The following SEMA5A variants were observed in gnomAD, a reference collection of about 807,000 sequenced individuals.
SEMA5A encodes semaphorin 5A.
SEMA5A carries 55 observed loss-of-function variants against 135.5 expected under a neutral mutation model. The ratio of observed to expected loss-of-function variants is 0.41; its 90% CI spans 0.33 to 0.51. The LOEUF is 0.51. Ranked by LOEUF, SEMA5A falls within the 20% of genes least tolerant of loss-of-function variation. SEMA5A has a pLI of 0.37. For synonymous variants in SEMA5A, 580 were observed against 546.5 expected, an observed-to-expected ratio of 1.06 and a Z score of -0.85; for missense variants, 1,290 against 1,419.9, an observed-to-expected ratio of 0.91 and a Z score of 1.47.
chr5:9,425,337 G>A (rs373148168), intron 2 of SEMA5A, among the ~76,000 whole-genome samples: 3 of 152,220 alleles, frequency 2.0e-5, no homozygotes, highest in African/African-American at 4.8e-5. Context: ...CGTGCATATC[G>A]CCAGTGCCTA....
intron 16 of SEMA5A, among the ~76,000 whole-genome samples, chr5:9,088,472 T>C (rs999893363): frequency 6.6e-6 from 1 of 150,718 alleles, no homozygotes; most frequent in Admixed American, 6.6e-5. Context: ...TCTTTTAGAA[T>C]GTTCCTCAAT....
intron 16 of SEMA5A, among the ~76,000 whole-genome samples, chr5:9,071,821 C>T (rs1479514744): frequency 1.3e-5 from 2 of 152,176 alleles, no homozygotes; most frequent in Admixed American, 6.5e-5. Context: ...TTATCAAGTT[C>T]TCTTTCAGTA....
At chr5:9,417,707 A>G (rs1757327841) in intron 2 of SEMA5A, among the ~76,000 whole-genome samples, 1 of 152,210 alleles carries the variant, frequency 6.6e-6, no homozygotes, top group Non-Finnish European at 1.5e-5. Context: ...TCCCTTGCCT[A>G]TCAGCCTCTC....
chr5:9,456,315 C>A (rs943147691), intron 1 of SEMA5A, among the ~76,000 whole-genome samples: 1 of 152,230 alleles, frequency 6.6e-6, no homozygotes, highest in Non-Finnish European at 1.5e-5. Context: ...CTGCAACTGG[C>A]TGCTTCTGTA....
chr5:9,115,875 G>A (rs1180545132), intron 15 of SEMA5A, among the ~76,000 whole-genome samples: 1 of 152,160 alleles, frequency 6.6e-6, no homozygotes, highest in Admixed American at 6.5e-5. Context: ...AAAGGGGTGA[G>A]ATGTCACTTT....
chr5:9,490,823 G>T (rs1223439096), intron 1 of SEMA5A, among the ~76,000 whole-genome samples: 6 of 152,160 alleles, frequency 3.9e-5, no homozygotes, highest in Admixed American at 2.6e-4. Flanking sequence ...CTTAAATCTG[G>T]CTTCTTTTAT....
intron 11 of SEMA5A, among the ~76,000 whole-genome samples, chr5:9,182,154 C>CA (rs1560995448): frequency 7.8e-6 from 1 of 128,266 alleles, no homozygotes; most frequent in Non-Finnish European, 1.6e-5. Context: ...CTTCTGCCCC[C>CA]CACCCCAAAA....
rs764336994 is a variant in SEMA5A, at chr5:9,044,457, G to T, written c.3021C>A (p.His1007Gln). 19 of 1,613,886 alleles carry T rather than the reference G, an allele frequency of 1.2e-5. No individual in the cohort carries two copies. The highest frequency in any genetic ancestry group is 1.7e-5 in the Admixed American group (1 of 59,994). The change falls in exon 22 of 23, where the codon CAC becomes CAA. Residue 1007 changes from histidine to glutamine, a missense_variant. By Grantham distance (24) the His-to-Gln change is conservative (BLOSUM62 0). This residue lies in a region of SEMA5A where 1,029 missense variants were observed against 1,086.6 expected (regional missense o/e 0.95). Transcript: ENST00000382496. ...TATTAAGGGGGGCAGGTGAGACGGG[G>T]TGGATGACAGTCGCATCGTGGGATT... Reference protein sequence around the residue: ...QQQSHDATVIHPVSPAPLNTS... With the variant: ...QQQSHDATVIQPVSPAPLNTS...
chr5:9,344,845 G>A (rs1392378353), intron 3 of SEMA5A, among the ~76,000 whole-genome samples: 2 of 152,186 alleles, frequency 1.3e-5, no homozygotes, highest in African/African-American at 4.8e-5. Context: ...AATCAAAGCA[G>A]GTTACAGCAG....
At chr5:9,111,746 A>G (rs768664757) in intron 15 of SEMA5A, among the ~76,000 whole-genome samples, 1 of 152,060 alleles carries the variant, frequency 6.6e-6, no homozygotes, top group Non-Finnish European at 1.5e-5. Flanking sequence ...TTAGGAATTC[A>G]CCCTGGAAGA....
At chr5:9,319,781 T>C (rs1026513213) in intron 4 of SEMA5A, among the ~76,000 whole-genome samples, 4 of 136,942 alleles carry the variant, frequency 2.9e-5, no homozygotes, top group Non-Finnish European at 4.6e-5. Flanking sequence ...TCTTATTGGT[T>C]TTACAACACC....
At chr5:9,178,582 G>A (rs943451539) in intron 11 of SEMA5A, among the ~76,000 whole-genome samples, 14 of 152,044 alleles carry the variant, frequency 9.2e-5, no homozygotes, top group African/African-American at 3.1e-4. Flanking sequence ...CGCCTGCCTC[G>A]GCCTCCTAAG....
chr5:9,162,911 T>C (rs72643791), intron 11 of SEMA5A, among the ~76,000 whole-genome samples: 17,842 of 151,992 alleles, frequency 0.12, 1,785 homozygotes, highest in African/African-American at 0.25. Flanking sequence ...GATCAAGAGC[T>C]GGTTTCTGAA....
chr5:9,396,103 G>A (rs1756384926), intron 2 of SEMA5A, among the ~76,000 whole-genome samples: 1 of 152,122 alleles, frequency 6.6e-6, no homozygotes, highest in African/African-American at 2.4e-5. Context: ...CTACCCACAC[G>A]AGAAGTCTGG....
At chr5:9,526,116 C>A (rs1340815363) in intron 1 of SEMA5A, among the ~76,000 whole-genome samples, 1 of 152,180 alleles carries the variant, frequency 6.6e-6, no homozygotes, top group Non-Finnish European at 1.5e-5. Context: ...CAAAACATAA[C>A]CTGCTATAAA....
chr5:9,279,486 G>T (rs1013832615), intron 5 of SEMA5A, among the ~76,000 whole-genome samples: 5 of 152,128 alleles, frequency 3.3e-5, no homozygotes, highest in Non-Finnish European at 7.3e-5. Flanking sequence ...ATGGGGGATT[G>T]TTGGGAAGCC....
intron 1 of SEMA5A, among the ~76,000 whole-genome samples, chr5:9,457,980 T>G (rs1028898005): frequency 9.5e-5 from 13 of 136,774 alleles, no homozygotes; most frequent in Middle Eastern, 4.0e-3. Context: ...CCATCTCGGC[T>G]CACTGCAAGC....
chr5:9,534,239 G>A (rs1579701028), intron 1 of SEMA5A, among the ~76,000 whole-genome samples: 1 of 152,134 alleles, frequency 6.6e-6, no homozygotes, highest in Non-Finnish European at 1.5e-5. Context: ...TTTGTCCCCC[G>A]ACTCTTAATG....
intron 1 of SEMA5A, among the ~76,000 whole-genome samples, chr5:9,504,521 G>A (rs1036873813): frequency 1.3e-5 from 2 of 152,252 alleles, no homozygotes; most frequent in Non-Finnish European, 1.5e-5. Flanking sequence ...AATAAGTACC[G>A]GGGTCTCAAA....
Sources: allele counts gnomAD v4.1 joint callset (sites outside exome capture counted in the v4.1 genomes callset), GRCh38; gene constraint gnomAD v4.1.1; regional missense constraint gnomAD v4.1.1; transcripts MANE v1.5; gene names NCBI Gene and HGNC (gene_info 2026-07-23, HGNC 2026-07-21).